Variants in NUP107 observed in about 807,000 individuals in gnomAD.
The protein encoded by NUP107 is nucleoporin 107, also known as nuclear pore complex protein Nup107.
NUP107 carries 101 observed loss-of-function variants against 141.0 expected under a neutral mutation model. The ratio of observed to expected loss-of-function variants is 0.72; its 90% CI spans 0.61 to 0.84. The LOEUF (loss-of-function observed/expected upper bound fraction) is 0.84. Ranked by LOEUF, NUP107 falls within the 40% of genes least tolerant of loss-of-function variation. NUP107 has a pLI of 0.00. For synonymous variants in NUP107, 319 were observed against 363.9 expected, an observed-to-expected ratio of 0.88 and a Z score of 1.41; for missense variants, 941 against 1,102.7, an observed-to-expected ratio of 0.85 and a Z score of 2.08.
chr12:68,721,155 C>A lies in NUP107; in HGVS notation c.1289C>A (p.Ala430Asp). 1 of 1,608,352 alleles carries A rather than the reference C, an allele frequency of 6.2e-7. No individual in the cohort carries two copies. Among genetic ancestry groups the A allele is most frequent in the Non-Finnish European group, 8.5e-7 (1 of 1,175,890 alleles). Residue 430 changes from alanine (A) to aspartate (D), a missense_variant, in exon 15 of 28, where the codon GCT becomes GAT. Physicochemically the swap from Ala to Asp is moderately radical, Grantham distance 126 (BLOSUM62 -2). Coordinates refer to ENST00000229179, the MANE Select transcript of NUP107 (RefSeq NM_020401.4). ...AGATACGAGAGAGCAATTTATGCAG[C>A]TTTAAGTGGGAATCTTAAGCAGGTA... ...FNRYERAIYAALSGNLKQLLP... is the reference protein window; with the variant it reads ...FNRYERAIYADLSGNLKQLLP...
chr12:68,705,044 G>A (rs951011551), intron 8 of NUP107, among the ~76,000 whole-genome samples: 8 of 151,604 alleles, frequency 5.3e-5, no homozygotes, highest in African/African-American at 1.9e-4. Context: ...CACCATGCCT[G>A]GCTAATTTCT....
chr12:68,717,712 GTC>G (rs1212237157), intron 12 of NUP107, among the ~76,000 whole-genome samples: 1 of 152,052 alleles, frequency 6.6e-6, no homozygotes, highest in African/African-American at 2.4e-5. Flanking sequence ...TCTACTTACT[GTC>G]TCTATGATGT....
chr12:68,733,045 G>T (rs564705666), intron 23 of NUP107, among the ~76,000 whole-genome samples: 2 of 152,086 alleles, frequency 1.3e-5, no homozygotes, highest in Non-Finnish European at 2.9e-5. Flanking sequence ...GGGGTGGGGG[G>T]TTGCTTTTTG....
intron 20 of NUP107, among the ~76,000 whole-genome samples, chr12:68,729,649 G>A (rs977566456): frequency 3.9e-5 from 6 of 151,998 alleles, no homozygotes; most frequent in African/African-American, 1.4e-4. Flanking sequence ...CACCACGTTG[G>A]CCAGGCTGGT....
chr12:68,720,676 ATTAG>A (rs1161771452), intron 14 of NUP107, among the ~76,000 whole-genome samples: 2 of 152,234 alleles, frequency 1.3e-5, no homozygotes, highest in African/African-American at 2.4e-5. Flanking sequence ...AAAATGGGGA[ATTAG>A]TTAGTTCTAT....
intron 26 of NUP107, among the ~76,000 whole-genome samples, chr12:68,741,574 C>CA (rs1878321320): frequency 6.6e-6 from 1 of 152,136 alleles, no homozygotes; most frequent in African/African-American, 2.4e-5. Flanking sequence ...GTTTCCAACT[C>CA]ATTCTTTTTA....
intron 17 of NUP107, among the ~76,000 whole-genome samples, chr12:68,722,622 T>C (rs943688751): frequency 3.3e-5 from 5 of 152,204 alleles, no homozygotes; most frequent in African/African-American, 1.2e-4. Flanking sequence ...TGTATCCTTC[T>C]ATATTTCTCT....
chr12:68,713,907 A>G, intron 11 of NUP107, 99 bp downstream of exon 11: 1 of 850,550 alleles, frequency 1.2e-6, no homozygotes, highest in South Asian at 1.5e-5. Flanking sequence ...GCTCTTCTAA[A>G]GGTTTGCACA....
chr12:68,730,980 A>G (rs1267458244), intron 20 of NUP107, 130 bp from the exon 21 acceptor site: 2 of 561,662 alleles, frequency 3.6e-6, no homozygotes, highest in Non-Finnish European at 5.7e-6. Context: ...ACAAATAAAT[A>G]TAAAATAAAA....
In NUP107 at chr12:68,702,735, G is replaced by T. The variant is rs1273442825; in HGVS notation, c.681-1G>T. 6.5e-7 allele frequency: 1 copy of T among 1,536,396 alleles called. No homozygotes were observed. The highest frequency in any genetic ancestry group is 8.8e-7 in the Non-Finnish European group (1 of 1,140,574). On this transcript the variant is annotated splice_acceptor_variant, in intron 7 of 27. Transcript: ENST00000229179. LOFTEE classifies it high-confidence loss of function. ...TTTTATTTTGTCTTATTTTTCCCCA[G>T]AGACAGAATACAGTCTGCATTAGAA... is the stretch of plus-strand genomic sequence containing the variant.
At chr12:68,712,376 C>A (rs1876895915) in intron 10 of NUP107, among the ~76,000 whole-genome samples, 1 of 143,616 alleles carries the variant, frequency 7.0e-6, no homozygotes, top group Non-Finnish European at 1.5e-5. Flanking sequence ...CAAGATCACG[C>A]CATTGCACTC....
chr12:68,714,071 A>G, intron 11 of NUP107: 1 of 382,540 alleles, frequency 2.6e-6, no homozygotes. Context: ...TCTTATCTTA[A>G]GATTTGACTG....
In NUP107 at chr12:68,716,217, TTTTCTTTC is replaced by T. The variant is rs1182741313; in HGVS notation, c.1083+501_1083+508del. Among the ~76,000 whole-genome samples, 579 of 136,860 alleles carry T rather than the reference TTTTCTTTC, an allele frequency of 4.2e-3. 14 individuals are homozygous for T. Among genetic ancestry groups the T allele is most frequent in the African/African-American group, 0.015 (538 of 37,004 alleles). The allele number at this position is 136,860 out of a possible 152,430, so 89.8% of individuals were successfully genotyped here. On this transcript the variant is annotated intron_variant, in intron 12 of 27. Coordinates refer to ENST00000229179, the MANE Select transcript of NUP107 (RefSeq NM_020401.4). ...CAATCTCCATTCATTTTTTTTTCCT[TTTTCTTTC>T]TTTCTTTCTTTCTTTCTTTCTTTTT...
intron 8 of NUP107, chr12:68,707,109 G>A (rs1444913211): frequency 1.8e-5 from 10 of 562,082 alleles, no homozygotes; most frequent in Middle Eastern, 4.8e-4. Flanking sequence ...CCCCTTCTGC[G>A]GCTGCCCCAG....
Position 68,737,379 on chromosome 12 carries a change from A to G in NUP107, c.2502+2035A>G, listed in dbSNP as rs181826045. On this transcript the variant is annotated intron_variant, in intron 26 of 27. Transcript: ENST00000229179. ...CAGGAGCTTGAGACCAGCCTGGACAACATGGGGAAACCCCGTTTCTACTAA... is the reference window on the plus strand; with the variant it reads ...CAGGAGCTTGAGACCAGCCTGGACAGCATGGGGAAACCCCGTTTCTACTAA... Among the ~76,000 whole-genome samples, 306 of 152,074 alleles carry G rather than the reference A, an allele frequency of 2.0e-3. 1 individual carries two copies. The highest frequency in any genetic ancestry group is 6.3e-3 in the African/African-American group (262 of 41,474).
intron 10 of NUP107, among the ~76,000 whole-genome samples, chr12:68,711,691 A>T (rs1011346546): frequency 4.6e-5 from 7 of 152,228 alleles, no homozygotes; most frequent in Non-Finnish European, 8.8e-5. Flanking sequence ...TGAGCAGGAA[A>T]ACAAACTGGA....
chr12:68,718,778 A>T (rs753550057), intron 12 of NUP107, among the ~76,000 whole-genome samples: 36 of 152,186 alleles, frequency 2.4e-4, no homozygotes, highest in Non-Finnish European at 8.8e-5. Flanking sequence ...AAAAAAATTT[A>T]AAAAAGAAAG....
chr12:68,716,746 T>A (rs117660123), intron 12 of NUP107, among the ~76,000 whole-genome samples: 23 of 152,290 alleles, frequency 1.5e-4, no homozygotes, highest in Admixed American at 3.3e-4. Flanking sequence ...TTAGGTGAGA[T>A]AGTGTGATGT....
Position 68,725,797 on chromosome 12 carries a change from G to T in NUP107, c.1576+1G>T. ...TTTCTTATCCTGGGAGACATTGATG[G>T]TAAGATATGGTTTTATTTTACTTTG... On this transcript the variant is annotated splice_donor_variant, in intron 18 of 27. Coordinates refer to ENST00000229179, the MANE Select transcript of NUP107 (RefSeq NM_020401.4). LOFTEE classifies it high-confidence loss of function. 7.5e-7 allele frequency: 1 copy of T among 1,335,754 alleles called. No homozygotes were observed. Among genetic ancestry groups the T allele is most frequent in the East Asian group, 2.3e-5 (1 of 42,672 alleles). The allele number at this position is 1,335,754 out of a possible 1,614,324, so 82.7% of individuals were successfully genotyped here. A position where few individuals can be genotyped will look rare whatever the true frequency, so the allele number is the denominator to read the frequency against.
Sources: gnomAD v4.1 joint callset for allele counts (sites outside exome capture counted in the v4.1 genomes callset) on GRCh38, gnomAD v4.1.1 for gene constraint, MANE v1.5 for transcripts, NCBI Gene and HGNC (gene_info 2026-07-23, HGNC 2026-07-21) for gene names.